The following ERP44 variants were observed in gnomAD, a reference collection of about 807,000 sequenced individuals.
ERP44 encodes endoplasmic reticulum protein 44, also known as endoplasmic reticulum resident protein 44.
Under a neutral mutation model 53.4 loss-of-function variants are expected in ERP44, and 25 were observed. The observed-to-expected ratio is 0.47, with a 90% CI of 0.34 to 0.65. ERP44 has a LOEUF of 0.65. Among genes scored for constraint, ERP44 ranks in the 30% least tolerant of loss-of-function variants. The probability of loss-of-function intolerance (pLI) is 0.01; values close to 1 mark genes in which losing one functional copy is unlikely to be tolerated. For missense variants in ERP44, 338 were observed against 493.2 expected (o/e 0.69, Z 2.98); for synonymous variants, 145 against 161.2 (o/e 0.90, Z 0.76).
chr9:99,999,912 C>T (rs929711596), intron 10 of ERP44, among the ~76,000 whole-genome samples: 8 of 152,152 alleles, frequency 5.3e-5, no homozygotes, highest in East Asian at 1.9e-4. Flanking sequence ...AGTTTCCCCC[C>T]GCTTTTTCCA....
At chr9:100,002,793 C>T (rs1357733480) in intron 10 of ERP44, among the ~76,000 whole-genome samples, 1 of 152,144 alleles carries the variant, frequency 6.6e-6, no homozygotes. Flanking sequence ...TATGTGTTGG[C>T]GTAGTCTTTG....
At chr9:99,998,496 T>C (rs1830339825) in intron 10 of ERP44, 2 of 713,842 alleles carry the variant, frequency 2.8e-6, no homozygotes, top group South Asian at 3.0e-5. Flanking sequence ...ACGGCCTCCC[T>C]CGGAGCCCCG....
chr9:100,034,912 A>C (rs1825832624), intron 4 of ERP44, among the ~76,000 whole-genome samples: 1 of 152,200 alleles, frequency 6.6e-6, no homozygotes, highest in Admixed American at 6.5e-5. Context: ...GAACTCAGAA[A>C]TAAAGCCACA....
chr9:100,001,029 G>A (rs1442948647), intron 10 of ERP44, among the ~76,000 whole-genome samples: 2 of 151,986 alleles, frequency 1.3e-5, no homozygotes, highest in African/African-American at 2.4e-5. Context: ...CATAAGTTTT[G>A]TTTGGTATGT....
At chr9:100,010,210 C>T (rs1830459975) in intron 8 of ERP44, among the ~76,000 whole-genome samples, 1 of 152,190 alleles carries the variant, frequency 6.6e-6, no homozygotes, top group Non-Finnish European at 1.5e-5. Context: ...TATGTCCATA[C>T]AAGCATATTC....
At chr9:100,054,742 G>A (rs1176895250) in intron 3 of ERP44, among the ~76,000 whole-genome samples, 1 of 152,082 alleles carries the variant, frequency 6.6e-6, no homozygotes, top group African/African-American at 2.4e-5. Flanking sequence ...AAGTATTTCA[G>A]ATAAGGGATA....
intron 1 of ERP44, among the ~76,000 whole-genome samples, chr9:100,065,844 C>G (rs1028540899): frequency 5.3e-5 from 8 of 152,168 alleles, no homozygotes; most frequent in African/African-American, 1.7e-4. Flanking sequence ...AATAAGATTT[C>G]TAATTCATAG....
intron 1 of ERP44, among the ~76,000 whole-genome samples, chr9:100,070,911 T>C (rs1826294811): frequency 6.6e-6 from 1 of 151,860 alleles, no homozygotes; most frequent in Non-Finnish European, 1.5e-5. Flanking sequence ...ATTTGGGAGA[T>C]AAAGGAGGAA....
At chr9:100,065,307 T>C (rs1826197930) in intron 1 of ERP44, among the ~76,000 whole-genome samples, 1 of 152,178 alleles carries the variant, frequency 6.6e-6, no homozygotes, top group Admixed American at 6.5e-5. Context: ...GGCTATTCCA[T>C]ATAGCCCAGA....
At chr9:99,988,389 A>G (rs1830217886) in intron 10 of ERP44, among the ~76,000 whole-genome samples, 1 of 152,192 alleles carries the variant, frequency 6.6e-6, no homozygotes, top group Non-Finnish European at 1.5e-5. Flanking sequence ...AGAGTTTTCT[A>G]GTTTTATCTT....
intron 1 of ERP44, among the ~76,000 whole-genome samples, chr9:100,067,348 G>A (rs1434871300): frequency 1.3e-5 from 2 of 149,848 alleles, no homozygotes; most frequent in South Asian, 2.1e-4. Flanking sequence ...GCGCCGCCGC[G>A]CCTGACTGGT....
chr9:100,013,918 ATATATTGTGTTATAT>A (rs1358470581), intron 8 of ERP44, among the ~76,000 whole-genome samples: 1 of 152,168 alleles, frequency 6.6e-6, no homozygotes, highest in Non-Finnish European at 1.5e-5. Context: ...AGTAGAATGG[ATATATTGTGTTATAT>A]TTATATAGGG....
intron 8 of ERP44, among the ~76,000 whole-genome samples, chr9:100,015,061 C>G (rs1830514554): frequency 6.6e-6 from 1 of 152,158 alleles, no homozygotes. Context: ...TCACTAATCC[C>G]ATTCATGAGG....
chr9:100,083,937 T>C (rs1026449222), intron 1 of ERP44, among the ~76,000 whole-genome samples: 5 of 152,096 alleles, frequency 3.3e-5, no homozygotes, highest in African/African-American at 1.2e-4. Flanking sequence ...AATGTAGATA[T>C]TTTTCCCTTT....
chr9:100,083,835 G>A (rs1826453072), intron 1 of ERP44, among the ~76,000 whole-genome samples: 1 of 152,188 alleles, frequency 6.6e-6, no homozygotes, highest in African/African-American at 2.4e-5. Context: ...TAAAATGACT[G>A]GCTATCAAGA....
chr9:100,045,374 C>T (rs879425287), intron 4 of ERP44, among the ~76,000 whole-genome samples: 6 of 152,148 alleles, frequency 3.9e-5, no homozygotes, highest in Non-Finnish European at 7.4e-5. Context: ...GTGTATTGTA[C>T]TCTCTTGCCT....
intron 1 of ERP44, among the ~76,000 whole-genome samples, chr9:100,077,212 C>T (rs1826367548): frequency 6.6e-6 from 1 of 152,214 alleles, no homozygotes; most frequent in Non-Finnish European, 1.5e-5. Flanking sequence ...CGAGGCATGC[C>T]TTATCCACTG....
At chr9:100,030,569 G>GC (rs1825772356) in intron 4 of ERP44, among the ~76,000 whole-genome samples, 1 of 152,130 alleles carries the variant, frequency 6.6e-6, no homozygotes, top group Non-Finnish European at 1.5e-5. Flanking sequence ...GGAGTTAGAG[G>GC]CCCCACTCAG....
chr9:100,001,303 G>T (rs1313707142), intron 10 of ERP44, among the ~76,000 whole-genome samples: 1 of 152,152 alleles, frequency 6.6e-6, no homozygotes, highest in East Asian at 1.9e-4. Context: ...CACTTGAGAA[G>T]AATGTGTATC....
Sources: gnomAD v4.1 joint callset for allele counts (sites outside exome capture counted in the v4.1 genomes callset) on GRCh38, gnomAD v4.1.1 for gene constraint, MANE v1.5 for transcripts, NCBI Gene and HGNC (gene_info 2026-07-23, HGNC 2026-07-21) for gene names.